Variants in KLHL13 observed in about 807,000 individuals in gnomAD.
The protein encoded by KLHL13 is kelch-like protein 13.
Under a neutral mutation model 37.1 loss-of-function variants are expected in KLHL13, and 10 were observed. The ratio of observed to expected loss-of-function variants is 0.27; its 90% CI spans 0.17 to 0.46. The LOEUF (loss-of-function observed/expected upper bound fraction) is 0.46, where lower values mean the gene tolerates loss of function less well. Among genes scored for constraint, KLHL13 ranks in the 20% least tolerant of loss-of-function variants. The pLI is 1.00. For missense variants in KLHL13, 360 were observed against 509.3 expected, an observed-to-expected ratio of 0.71 and a Z score of 2.82; for synonymous variants, 163 against 181.2, an observed-to-expected ratio of 0.90 and a Z score of 0.81.
chrX:118,026,340 G>A (rs1468910002), intron 1 of KLHL13, among the ~76,000 whole-genome samples: 1 of 111,655 alleles, frequency 9.0e-6, no homozygotes. Context: ...AAAAAACTAT[G>A]CATGGATTTC....
intron 1 of KLHL13, among the ~76,000 whole-genome samples, chrX:118,052,545 A>C (rs1602685863): frequency 1.3e-5 from 1 of 79,380 alleles, no homozygotes; most frequent in African/African-American, 4.9e-5. Flanking sequence ...AAAGTAGTAG[A>C]GGCCGGGCAC....
At chrX:118,038,649 A>G (rs2054476133) in intron 1 of KLHL13, among the ~76,000 whole-genome samples, 1 of 111,651 alleles carries the variant, frequency 9.0e-6, no homozygotes, top group Admixed American at 9.5e-5. Context: ...AATGATTAGA[A>G]CCTGAGTTCC....
At chrX:117,942,075 T>C (rs1311003407) in intron 2 of KLHL13, among the ~76,000 whole-genome samples, 1 of 111,945 alleles carries the variant, frequency 8.9e-6, no homozygotes, top group Non-Finnish European at 1.9e-5. Context: ...ATTTCTGCCT[T>C]AATTTCGTTA....
chrX:118,069,180 C>A, intron 1 of KLHL13, among the ~76,000 whole-genome samples: 1 of 108,025 alleles, frequency 9.3e-6, no homozygotes, highest in Non-Finnish European at 1.9e-5. Context: ...AAATTGCCCC[C>A]TTGGGAGTTG....
intron 5 of KLHL13, among the ~76,000 whole-genome samples, chrX:117,902,348 A>G (rs967154721): frequency 1.7e-4 from 19 of 112,174 alleles, no homozygotes; most frequent in Non-Finnish European, 3.6e-4. Flanking sequence ...TGATAGAAAC[A>G]AACGTTAATA....
chrX:118,065,497 C>T (rs1370385332), intron 1 of KLHL13, among the ~76,000 whole-genome samples: 1 of 111,222 alleles, frequency 9.0e-6, no homozygotes, highest in Non-Finnish European at 1.9e-5. Flanking sequence ...TATACTATCT[C>T]TCCTGGGAAT....
chrX:117,909,387 A>AC lies in KLHL13; in HGVS notation c.1279_1280insG (p.Leu427CysfsTer3). ...GTGGAAGAAGGTGCGCTTTTCATTT[A>AC]AAGATGCAACTTGCATCCATTTATT... is the stretch of plus-strand genomic sequence containing the variant. On this transcript the variant is annotated frameshift_variant, in exon 5 of 7. Coordinates refer to ENST00000262820, the Ensembl canonical transcript of KLHL13. LOFTEE classifies it high-confidence loss of function. 1 of 1,211,238 alleles carries AC rather than the reference A, an allele frequency of 8.3e-7. No homozygotes were observed. Among genetic ancestry groups the AC allele is most frequent in the Non-Finnish European group, 1.1e-6 (1 of 895,053 alleles).
chrX:118,061,539 A>T (rs1037640256), intron 1 of KLHL13, among the ~76,000 whole-genome samples: 6 of 111,983 alleles, frequency 5.4e-5, no homozygotes, highest in Non-Finnish European at 1.1e-4. Context: ...CAAAGTCTTT[A>T]CGGAGGCAGA....
intron 2 of KLHL13, among the ~76,000 whole-genome samples, chrX:117,929,434 CAAGCCA>C (rs1932265827): frequency 9.0e-6 from 1 of 111,306 alleles, no homozygotes; most frequent in Non-Finnish European, 1.9e-5. Context: ...AAAATTTTAA[CAAGCCA>C]AATTTACTGA....
chrX:117,977,962 CTTTA>C (rs2053612848), upstream of KLHL13, among the ~76,000 whole-genome samples: 1 of 111,974 alleles, frequency 8.9e-6, no homozygotes, highest in African/African-American at 3.2e-5. Flanking sequence ...TGTGTGTCTC[CTTTA>C]TTTGTTTCAG....
intron 1 of KLHL13, among the ~76,000 whole-genome samples, chrX:118,050,704 G>A (rs367776397): frequency 2.7e-5 from 3 of 111,725 alleles, no homozygotes; most frequent in Non-Finnish European, 5.6e-5. Flanking sequence ...GGATGTTAAC[G>A]ATTTGTCTCA....
intron 2 of KLHL13, among the ~76,000 whole-genome samples, chrX:117,930,294 C>CAGGA: frequency 1.6e-5 from 1 of 61,280 alleles, no homozygotes; most frequent in African/African-American, 5.0e-5. Flanking sequence ...GGAAGGAAGG[C>CAGGA]AGGCAGGCAG....
intron 1 of KLHL13, among the ~76,000 whole-genome samples, chrX:118,020,680 GAC>G (rs2054195606): frequency 9.0e-6 from 1 of 110,534 alleles, no homozygotes; most frequent in African/African-American, 3.3e-5. Context: ...CTGCTATAAA[GAC>G]ACATGCACAC....
chrX:118,072,682 A>T (rs374594973), intron 1 of KLHL13, among the ~76,000 whole-genome samples: 1 of 112,016 alleles, frequency 8.9e-6, no homozygotes, highest in East Asian at 2.8e-4. Flanking sequence ...ACATGAACAG[A>T]TTTGTCATTT....
chrX:117,974,641 T>C (rs1302719112), upstream of KLHL13, among the ~76,000 whole-genome samples: 1 of 111,837 alleles, frequency 8.9e-6, no homozygotes, highest in Non-Finnish European at 1.9e-5. Flanking sequence ...GCCTTCCTTT[T>C]AAGATACAGA....
At chrX:117,981,341 C>T (rs746508480) in intron 1 of KLHL13, among the ~76,000 whole-genome samples, 5 of 111,890 alleles carry the variant, frequency 4.5e-5, no homozygotes, top group East Asian at 2.8e-4. Context: ...TCATGGTCTA[C>T]TACTAACCAA....
At chrX:117,901,769 T>C (rs1930108306) in intron 6 of KLHL13, 64 bp downstream of exon 7, 1 of 542,156 alleles carries the variant, frequency 1.8e-6, no homozygotes, top group African/African-American at 2.4e-5. Flanking sequence ...TACCACTATA[T>C]GGAAAGATAA....
exon 1 of KLHL13, chrX:117,973,188 T>C: frequency 3.3e-6 from 3 of 915,599 alleles, no homozygotes; most frequent in Non-Finnish European, 4.1e-6. Flanking sequence ...ATACCATTGT[T>C]CTACCTTAAC....
intron 1 of KLHL13, among the ~76,000 whole-genome samples, chrX:118,014,260 C>A (rs2430211): frequency 0.028 from 3,130 of 111,140 alleles, 127 homozygotes; most frequent in African/African-American, 0.096. Context: ...AATTGGGACC[C>A]TGGGGAAGAA....
Sources: gnomAD v4.1 joint callset for allele counts (sites outside exome capture counted in the v4.1 genomes callset) on GRCh38, gnomAD v4.1.1 for gene constraint, MANE v1.5 for transcripts, NCBI Gene and HGNC (gene_info 2026-07-23, HGNC 2026-07-21) for gene names.